The following STPG2 variants were observed in gnomAD, a reference collection of about 807,000 sequenced individuals.
STPG2 encodes the protein sperm tail PG-rich repeat containing 2.
Under a neutral mutation model 54.2 loss-of-function variants are expected in STPG2, and 56 were observed. The observed-to-expected ratio is 1.03, with a 90% confidence interval of 0.83 to 1.29. STPG2 has a LOEUF of 1.29. Among genes scored for constraint, STPG2 ranks in the 50% most tolerant of loss-of-function variants. STPG2 has a pLI of 0.00. For missense variants in STPG2, 596 were observed against 544.9 expected, an observed-to-expected ratio of 1.09 and a Z score of -0.93; for synonymous variants, 200 against 181.8, an observed-to-expected ratio of 1.10 and a Z score of -0.81.
intron 6 of STPG2, among the ~76,000 whole-genome samples, chr4:97,980,534 T>A (rs1734638567): frequency 6.6e-6 from 1 of 152,174 alleles, no homozygotes; most frequent in South Asian, 2.1e-4. Flanking sequence ...ATGTTAAATG[T>A]TAGGCTGCCC....
chr4:97,886,381 G>T (rs1730570980), intron 8 of STPG2, among the ~76,000 whole-genome samples: 1 of 152,046 alleles, frequency 6.6e-6, no homozygotes, highest in Non-Finnish European at 1.5e-5. Flanking sequence ...AAAGAAAACA[G>T]GAACCAAAGA....
chr4:98,001,753 G>A (rs1463796517), intron 5 of STPG2, among the ~76,000 whole-genome samples: 1 of 152,090 alleles, frequency 6.6e-6, no homozygotes, highest in African/African-American at 2.4e-5. Flanking sequence ...GCCCCAACTG[G>A]CTATTATTAA....
intron 9 of STPG2, among the ~76,000 whole-genome samples, chr4:97,739,598 A>G (rs1725149180): frequency 6.6e-6 from 1 of 152,242 alleles, no homozygotes; most frequent in African/African-American, 2.4e-5. Flanking sequence ...CTACGCAAAT[A>G]AACTAGAAAA....
At chr4:97,823,970 A>G (rs1728174860) in intron 9 of STPG2, among the ~76,000 whole-genome samples, 1 of 152,100 alleles carries the variant, frequency 6.6e-6, no homozygotes, top group Non-Finnish European at 1.5e-5. Flanking sequence ...CCATTCAGTA[A>G]AGTCCCTCTT....
intron 9 of STPG2, among the ~76,000 whole-genome samples, chr4:97,753,657 C>G (rs144509431): frequency 6.6e-6 from 1 of 152,116 alleles, no homozygotes; most frequent in Non-Finnish European, 1.5e-5. Flanking sequence ...ACGAGGGTTT[C>G]AACTTCTTTA....
intron 5 of STPG2, among the ~76,000 whole-genome samples, chr4:98,028,340 A>C (rs373759392): frequency 7.9e-5 from 12 of 152,228 alleles, no homozygotes; most frequent in African/African-American, 2.9e-4. Context: ...AGCAGAAAGA[A>C]GAAACCTCAG....
intron 4 of STPG2, among the ~76,000 whole-genome samples, chr4:97,493,940 A>C (rs372256520): frequency 6.6e-6 from 1 of 151,650 alleles, no homozygotes; most frequent in East Asian, 1.9e-4. Context: ...TCCTTTGATA[A>C]GTTGTTAAAC....
intron 4 of STPG2, among the ~76,000 whole-genome samples, chr4:97,548,741 CTT>C (rs1560654753): frequency 6.6e-6 from 1 of 151,978 alleles, no homozygotes; most frequent in African/African-American, 2.4e-5. Flanking sequence ...TTTGAAAATA[CTT>C]TTTGTTTCTA....
intron 10 of STPG2, among the ~76,000 whole-genome samples, chr4:97,598,622 C>G (rs184967856): frequency 6.6e-6 from 1 of 150,814 alleles, no homozygotes; most frequent in Admixed American, 6.6e-5. Context: ...AAGCTGCACA[C>G]CTACAACCCT....
intron 5 of STPG2, among the ~76,000 whole-genome samples, chr4:98,038,410 A>T (rs1387536482): frequency 2.0e-5 from 3 of 151,740 alleles, no homozygotes; most frequent in African/African-American, 7.3e-5. Flanking sequence ...AGTGGAAACA[A>T]TTTTTTTTTA....
chr4:97,748,016 C>T (rs1487491558), intron 9 of STPG2, among the ~76,000 whole-genome samples: 1 of 151,400 alleles, frequency 6.6e-6, no homozygotes, highest in Admixed American at 6.6e-5. Context: ...AAGAGTTACA[C>T]GAATTAAGTC....
At chr4:98,050,702 C>T (rs1737290580) in intron 5 of STPG2, among the ~76,000 whole-genome samples, 1 of 152,090 alleles carries the variant, frequency 6.6e-6, no homozygotes, top group African/African-American at 2.4e-5. Context: ...AAAAATCATA[C>T]CAATGTTTTT....
intron 9 of STPG2, among the ~76,000 whole-genome samples, chr4:97,777,052 T>C (rs1229720810): frequency 6.6e-6 from 1 of 152,206 alleles, no homozygotes; most frequent in African/African-American, 2.4e-5. Context: ...AACTATTAAG[T>C]ACTATACAAA....
rs188238605 is a variant in STPG2 at position 97,795,662 on chromosome 4, G to A, written c.1204+45111C>T. Among the ~76,000 whole-genome samples, 72 of 152,304 alleles carry A rather than the reference G, an allele frequency of 4.7e-4. 1 individual carries two copies. Among genetic ancestry groups the A allele is most frequent in the Admixed American group, 2.0e-3 (30 of 15,294 alleles). The stretch of plus-strand genomic sequence containing the variant: ...GTGAATAGTGCCACAATAAACATAT[G>A]TGTGCATGTGTCTTTAAAGCAGCAT... On this transcript the variant is annotated intron_variant, in intron 9 of 10. Transcript: ENST00000295268.
intron 8 of STPG2, among the ~76,000 whole-genome samples, chr4:97,926,252 C>A (rs1732326850): frequency 6.6e-6 from 1 of 152,242 alleles, no homozygotes; most frequent in South Asian, 2.1e-4. Context: ...CTGTGATTAT[C>A]CTACCACTAC....
rs1362433941 is a variant in STPG2, at chr4:98,022,522, C to A, written c.613-41204G>T. ...TGGAGTTGCTCTTCTCGAGGAGTATCTTTGTGGCGTTCTCTGTATTTCCTG... is the reference window on the plus strand; with the variant it reads ...TGGAGTTGCTCTTCTCGAGGAGTATATTTGTGGCGTTCTCTGTATTTCCTG... On this transcript the variant is annotated intron_variant, in intron 5 of 10. Coordinates refer to ENST00000295268, the MANE Select transcript of STPG2 (RefSeq NM_174952.3). Among the ~76,000 whole-genome samples, 4 of 151,528 alleles carry A rather than the reference C, an allele frequency of 2.6e-5. No homozygotes were observed. In the South Asian group the frequency reaches 8.3e-4, roughly 32 times the overall value.
intron 8 of STPG2, among the ~76,000 whole-genome samples, chr4:97,862,080 C>T (rs1050762000): frequency 2.6e-5 from 4 of 151,820 alleles, no homozygotes; most frequent in African/African-American, 9.7e-5. Context: ...CAATATTAAC[C>T]TTAAATGTAA....
At chr4:97,774,686 G>A (rs1726321937) in intron 9 of STPG2, among the ~76,000 whole-genome samples, 1 of 152,104 alleles carries the variant, frequency 6.6e-6, no homozygotes, top group East Asian at 1.9e-4. Context: ...AAACCCAGAA[G>A]AAAAGTGAAT....
At chr4:97,669,380 A>C (rs1193613412) in intron 10 of STPG2, among the ~76,000 whole-genome samples, 1 of 152,250 alleles carries the variant, frequency 6.6e-6, no homozygotes, top group African/African-American at 2.4e-5. Context: ...TGCAGAATCA[A>C]ACATGGAGGT....
Sources: gnomAD v4.1 joint callset for allele counts (sites outside exome capture counted in the v4.1 genomes callset) on GRCh38, gnomAD v4.1.1 for gene constraint, MANE v1.5 for transcripts, NCBI Gene and HGNC (gene_info 2026-07-23, HGNC 2026-07-21) for gene names.